Variants in FAM178B observed in about 807,000 individuals in gnomAD.
The protein encoded by FAM178B is family with sequence similarity 178 member B.
A neutral mutation model predicts 91.7 loss-of-function variants in FAM178B; 82 were observed. That is an observed-to-expected ratio of 0.89 (90% CI 0.75 to 1.07). The LOEUF (loss-of-function observed/expected upper bound fraction) is 1.07. FAM178B is among the 50% of genes least tolerant of loss of function. The probability of loss-of-function intolerance (pLI) is 0.00; values close to 1 mark genes in which losing one functional copy is unlikely to be tolerated. For synonymous variants in FAM178B, 368 were observed against 359.4 expected (o/e 1.02, Z -0.27); for missense variants, 769 against 846.7 (o/e 0.91, Z 1.14).
At chr2:96,901,173 TTTC>T (rs1300146057) in intron 13 of FAM178B, among the ~76,000 whole-genome samples, 10 of 140,862 alleles carry the variant, frequency 7.1e-5, no homozygotes, top group Non-Finnish European at 1.5e-4. Context: ...TGAATTCTTT[TTTC>T]TTTTTTTTTT....
At chr2:96,888,198 T>C (rs944003212) in intron 14 of FAM178B, among the ~76,000 whole-genome samples, 11 of 152,368 alleles carry the variant, frequency 7.2e-5, no homozygotes, top group African/African-American at 2.4e-4. Context: ...TCTGATGTTC[T>C]GTACTTTGGA....
chr2:96,934,271 C>A (rs1448169993), intron 8 of FAM178B, among the ~76,000 whole-genome samples: 1 of 152,188 alleles, frequency 6.6e-6, no homozygotes, highest in Non-Finnish European at 1.5e-5. Flanking sequence ...CCCTGAGTGA[C>A]TTGGGGAGCC....
intron 1 of FAM178B, among the ~76,000 whole-genome samples, chr2:96,975,349 GGTTA>G (rs2082276150): frequency 6.6e-6 from 1 of 152,076 alleles, no homozygotes; most frequent in Non-Finnish European, 1.5e-5. Context: ...AGAAAAATAT[GGTTA>G]GTATGTAAAG....
intron 10 of FAM178B, among the ~76,000 whole-genome samples, chr2:96,922,075 C>G (rs539738765): frequency 6.6e-6 from 1 of 152,076 alleles, no homozygotes; most frequent in Non-Finnish European, 1.5e-5. Context: ...GATCTCTGGT[C>G]GGCCTCACTG....
chr2:96,981,694 T>C (rs2082362640), intron 1 of FAM178B, among the ~76,000 whole-genome samples: 1 of 132,998 alleles, frequency 7.5e-6, no homozygotes, highest in Non-Finnish European at 1.5e-5. Context: ...TGAGCCGAGA[T>C]GGCGCCACTG....
chr2:96,903,155 T>A (rs1559062170), intron 12 of FAM178B, among the ~76,000 whole-genome samples: 1 of 152,228 alleles, frequency 6.6e-6, no homozygotes, highest in Non-Finnish European at 1.5e-5. Flanking sequence ...TTCTCCTGCC[T>A]CAGCCTCCTG....
At position 96,902,669 on chromosome 2, in the gene FAM178B, C is replaced by T. The variant is rs1444451044; in HGVS notation, c.1601G>A (p.Arg534Gln). ...GAGCATCTCCTGCTGGCCCAGCATT[C>T]GAGCAATGACCACAAGGCTGAGCTG... ...RSQLSLVVIA[R>Q]MLGQQEMLPL... Residue 534 changes from arginine (R) to glutamine (Q), a missense_variant, in exon 13 of 17, where the codon CGA becomes CAA. Coordinates refer to ENST00000490605, the MANE Select transcript of FAM178B (RefSeq NM_001122646.3). 30 of 1,550,746 alleles carry T rather than the reference C, an allele frequency of 1.9e-5. No individual in the cohort carries two copies. Among genetic ancestry groups the T allele is most frequent in the South Asian group, 9.5e-5 (8 of 84,054 alleles).
chr2:96,900,644 C>T (rs1158853422), intron 13 of FAM178B, among the ~76,000 whole-genome samples: 1 of 152,158 alleles, frequency 6.6e-6, no homozygotes, highest in Non-Finnish European at 1.5e-5. Flanking sequence ...GTCAGGAAGG[C>T]CCCTTGCAGA....
At chr2:96,964,072 C>A (rs1041584191) in intron 5 of FAM178B, among the ~76,000 whole-genome samples, 8 of 151,962 alleles carry the variant, frequency 5.3e-5, no homozygotes, top group African/African-American at 1.9e-4. Context: ...CCCAGCTTCT[C>A]GGGAGGCTGA....
intron 6 of FAM178B, among the ~76,000 whole-genome samples, chr2:96,959,862 C>T (rs72942984): frequency 0.012 from 1,874 of 152,306 alleles, 49 homozygotes; most frequent in African/African-American, 0.043. Flanking sequence ...TGGGGACACG[C>T]TTTTCAGTGT....
At chr2:96,931,032 T>G (rs184830921) in intron 8 of FAM178B, among the ~76,000 whole-genome samples, 1 of 152,166 alleles carries the variant, frequency 6.6e-6, no homozygotes, top group African/African-American at 2.4e-5. Context: ...TTACCCAGAC[T>G]AAGGTACTTT....
chr2:96,954,706 T>G (rs912164220), intron 6 of FAM178B, among the ~76,000 whole-genome samples: 1 of 152,204 alleles, frequency 6.6e-6, no homozygotes, highest in African/African-American at 2.4e-5. Flanking sequence ...TAGAAACCAA[T>G]AGCAACCAAA....
intron 5 of FAM178B, among the ~76,000 whole-genome samples, chr2:96,964,285 G>C (rs2082117977): frequency 6.6e-6 from 1 of 152,054 alleles, no homozygotes; most frequent in Admixed American, 6.5e-5. Flanking sequence ...CATGTAATGT[G>C]GGGATCCTAA....
intron 5 of FAM178B, among the ~76,000 whole-genome samples, chr2:96,965,039 G>A (rs183808727): frequency 2.0e-5 from 3 of 152,002 alleles, no homozygotes; most frequent in Non-Finnish European, 4.4e-5. Flanking sequence ...TCGCTCTGTC[G>A]CCCAGGCTGG....
Position 96,875,952 on chromosome 2 carries a change from G to A in FAM178B, c.*324C>T. ...AGTGACAGGGAGACAGAGGAAGGAG[G>A]GTGGGGAGGACTGAGGCCCAGGGAA... On this transcript the variant is annotated 3_prime_UTR_variant, in exon 17 of 17. Transcript: ENST00000490605. 2.5e-6 allele frequency: 1 copy of A among 398,396 alleles called. No individual in the cohort carries two copies. Among genetic ancestry groups the A allele is most frequent in the East Asian group, 4.6e-5 (1 of 21,670 alleles). 24.7% of individuals were successfully genotyped at this position (398,396 alleles called of 1,614,324 possible).
chr2:96,981,214 C>T (rs988901624), intron 1 of FAM178B, among the ~76,000 whole-genome samples: 1 of 152,186 alleles, frequency 6.6e-6, no homozygotes, highest in East Asian at 1.9e-4. Context: ...GATCCACCCA[C>T]CTCAGCCTCC....
At chr2:96,883,642 C>T (rs1392614922) in intron 14 of FAM178B, among the ~76,000 whole-genome samples, 1 of 152,146 alleles carries the variant, frequency 6.6e-6, no homozygotes, top group African/African-American at 2.4e-5. Context: ...CCAAGGCTGA[C>T]CCAGGAACAC....
At chr2:96,965,674 G>A (rs538861967) in intron 5 of FAM178B, among the ~76,000 whole-genome samples, 8 of 151,986 alleles carry the variant, frequency 5.3e-5, no homozygotes, top group African/African-American at 1.5e-4. Flanking sequence ...CTGTGTTGCC[G>A]GGGCTGGTCT....
At chr2:96,972,344 G>C in intron 2 of FAM178B, 22 bp from the exon 3 acceptor site, 1 of 1,467,766 alleles carries the variant, frequency 6.8e-7, no homozygotes, top group Non-Finnish European at 9.0e-7. Flanking sequence ...ACAGAATACT[G>C]TGGTCCCTCT....
Sources: gnomAD v4.1 joint callset for allele counts (sites outside exome capture counted in the v4.1 genomes callset) on GRCh38, gnomAD v4.1.1 for gene constraint, MANE v1.5 for transcripts, NCBI Gene and HGNC (gene_info 2026-07-23, HGNC 2026-07-21) for gene names.